BLK: variants seen among roughly 807,000 people sequenced by gnomAD.
The protein encoded by BLK is BLK proto-oncogene, Src family tyrosine kinase.
BLK carries 64 observed loss-of-function variants against 61.8 expected under a neutral mutation model. That is an observed-to-expected ratio of 1.03 (90% CI 0.85 to 1.27). The LOEUF (loss-of-function observed/expected upper bound fraction) is 1.27. BLK is among the 50% of genes most tolerant of loss of function. The probability of loss-of-function intolerance (pLI) is 0.00; values close to 1 mark genes in which losing one functional copy is unlikely to be tolerated. For missense variants in BLK, 853 were observed against 660.5 expected, an observed-to-expected ratio of 1.29 and a Z score of -3.19; for synonymous variants, 351 against 272.0, an observed-to-expected ratio of 1.29 and a Z score of -2.86.
rs761380073 is a variant in BLK, at chr8:11,564,134, G to A, written c.*26G>A. The A allele has an allele frequency of 5.2e-6, 8 of 1,539,124 alleles. No homozygotes were observed. The highest frequency in any genetic ancestry group is 5.2e-6 in the Non-Finnish European group (6 of 1,147,738). ...CCGGCCGCGCCCGCCTGCGCCCCGT[G>A]CCCACCTCTGCGCGGACGACCCCGA... On this transcript the variant is annotated 3_prime_UTR_variant, in exon 13 of 13. Transcript: ENST00000259089.
At chr8:11,503,722 A>G (rs914733832) in intron 1 of BLK, among the ~76,000 whole-genome samples, 1 of 152,062 alleles carries the variant, frequency 6.6e-6, no homozygotes, top group East Asian at 1.9e-4. Context: ...GGAGGTTCCT[A>G]TGTGCAGGTG....
chr8:11,499,616 G>T (rs28374288), intron 1 of BLK, among the ~76,000 whole-genome samples: 2 of 152,094 alleles, frequency 1.3e-5, no homozygotes, highest in Non-Finnish European at 2.9e-5. Context: ...TAAGCTGTTC[G>T]CATTCCACCC....
intron 6 of BLK, among the ~76,000 whole-genome samples, chr8:11,550,999 G>T (rs188911641): frequency 6.6e-6 from 1 of 151,972 alleles, no homozygotes; most frequent in Non-Finnish European, 1.5e-5. Flanking sequence ...CCCCCACTTG[G>T]GCTCCTTCCT....
chr8:11,535,075 G>C (rs1380434172), intron 1 of BLK, among the ~76,000 whole-genome samples: 1 of 152,026 alleles, frequency 6.6e-6, no homozygotes, highest in African/African-American at 2.4e-5. Context: ...CTACTCGGGA[G>C]GTTGAGGTGG....
intron 1 of BLK, among the ~76,000 whole-genome samples, chr8:11,532,042 A>G (rs954483152): frequency 1.3e-4 from 20 of 152,164 alleles, no homozygotes; most frequent in Non-Finnish European, 2.5e-4. Context: ...CATTTTTAGT[A>G]GAGATGGGGT....
At chr8:11,555,521 A>G (rs761815633) in intron 8 of BLK, 37 bp downstream of exon 8, 1 of 1,613,522 alleles carries the variant, frequency 6.2e-7, no homozygotes, top group Admixed American at 1.7e-5. Flanking sequence ...TTCTCCCCCC[A>G]TTCCACCTGC....
chr8:11,543,415 G>T (rs1197163913), intron 2 of BLK, 68 bp downstream of exon 2: 33 of 1,591,216 alleles, frequency 2.1e-5, no homozygotes, highest in Non-Finnish European at 2.6e-5. Flanking sequence ...GTCCAAGTTT[G>T]TAAAATGGGT....
chr8:11,504,363 GGAAGAAAGA>G (rs1322902590), intron 1 of BLK, among the ~76,000 whole-genome samples: 71 of 102,530 alleles, frequency 6.9e-4, no homozygotes, highest in East Asian at 9.5e-4. Flanking sequence ...AAGGAAGGAA[GGAAGAAAGA>G]AAAGAAAAGA....
At chr8:11,515,274 G>C (rs552486974) in intron 1 of BLK, among the ~76,000 whole-genome samples, 1 of 152,258 alleles carries the variant, frequency 6.6e-6, no homozygotes, top group East Asian at 1.9e-4. Flanking sequence ...TGCCACTCCC[G>C]GCTGAGGGAC....
intron 6 of BLK, among the ~76,000 whole-genome samples, chr8:11,552,090 C>G (rs937487521): frequency 6.6e-6 from 1 of 152,194 alleles, no homozygotes; most frequent in Non-Finnish European, 1.5e-5. Flanking sequence ...GAATATGAGT[C>G]TGGTTCCCTG....
chr8:11,538,745 G>A (rs563671572), intron 1 of BLK, among the ~76,000 whole-genome samples: 2 of 152,130 alleles, frequency 1.3e-5, no homozygotes, highest in Admixed American at 6.5e-5. Context: ...CTGGCCCTTC[G>A]TTGAGTCAGG....
At chr8:11,518,020 A>T (rs988493614) in intron 1 of BLK, among the ~76,000 whole-genome samples, 15 of 152,184 alleles carry the variant, frequency 9.9e-5, no homozygotes, top group African/African-American at 3.6e-4. Context: ...CCTCACTGTC[A>T]GGGCCTGCCC....
At chr8:11,507,501 G>A (rs1248573696) in intron 1 of BLK, among the ~76,000 whole-genome samples, 1 of 152,226 alleles carries the variant, frequency 6.6e-6, no homozygotes, top group African/African-American at 2.4e-5. Context: ...GCTTTTGGGA[G>A]CTTTTAAAAG....
intron 1 of BLK, among the ~76,000 whole-genome samples, chr8:11,498,564 C>A (rs1258162535): frequency 6.6e-6 from 1 of 152,188 alleles, no homozygotes; most frequent in Non-Finnish European, 1.5e-5. Context: ...AGAAGTCAGA[C>A]AAAGCAGCCA....
chr8:11,525,127 G>A (rs534515131), intron 1 of BLK, among the ~76,000 whole-genome samples: 13 of 152,342 alleles, frequency 8.5e-5, no homozygotes, highest in Middle Eastern at 3.4e-3. Context: ...ACTGAAAGAA[G>A]AGGGTTCTGT....
chr8:11,555,339 G>C lies in BLK; in HGVS notation c.627G>C (p.Gly209=). The change falls in exon 8 of 13, where the codon GGG becomes GGC. Residue 209 remains glycine, a synonymous_variant. Coordinates refer to ENST00000259089, the MANE Select transcript of BLK (RefSeq NM_001715.3). ...TTTTCTTCCCTAATGCAGAGAAGGG[G>C]GATGGTCTATGCCAGAGGCTGACCC... ...QALVQHYSKK[G]DGLCQRLTLP... The C allele has an allele frequency of 6.2e-7, 1 of 1,614,098 alleles. No homozygotes were observed. The highest frequency in any genetic ancestry group is 2.2e-5 in the East Asian group (1 of 44,874).
intron 4 of BLK, 95 bp from the exon 5 acceptor site, chr8:11,548,929 T>TGGAGG (rs1563114048): frequency 8.8e-7 from 1 of 1,135,040 alleles, no homozygotes; most frequent in Non-Finnish European, 1.3e-6. Context: ...TTCTCTGCCC[T>TGGAGG]CCAGGGAGAG....
At chr8:11,499,379 G>A (rs1251048359) in intron 1 of BLK, among the ~76,000 whole-genome samples, 2 of 152,234 alleles carry the variant, frequency 1.3e-5, no homozygotes, top group East Asian at 3.8e-4. Context: ...TCCCTGTAGT[G>A]AAGCAATACG....
intron 1 of BLK, among the ~76,000 whole-genome samples, chr8:11,502,955 G>T (rs1483882502): frequency 6.6e-6 from 1 of 152,200 alleles, no homozygotes; most frequent in Non-Finnish European, 1.5e-5. Context: ...GCCACTGTGG[G>T]GTTCGCAAGT....
Sources: allele counts gnomAD v4.1 joint callset (sites outside exome capture counted in the v4.1 genomes callset), GRCh38; gene constraint gnomAD v4.1.1; transcripts MANE v1.5; gene names NCBI Gene and HGNC (gene_info 2026-07-23, HGNC 2026-07-21).